The following ZFR2 variants were observed in gnomAD, a reference collection of about 807,000 sequenced individuals.
The protein encoded by ZFR2 is zinc finger RNA binding protein 2.
In ZFR2, 104 loss-of-function variants were observed where a neutral mutation model predicts 105.7. That is an observed-to-expected ratio of 0.98 (90% CI 0.84 to 1.16). The LOEUF (loss-of-function observed/expected upper bound fraction) is 1.16, where lower values mean the gene tolerates loss of function less well. Ranked by LOEUF, ZFR2 falls within the 50% of genes most tolerant of loss-of-function variation. The pLI is 0.00. For synonymous variants in ZFR2, 634 were observed against 597.7 expected (o/e 1.06, Z -0.89); for missense variants, 1,425 against 1,355.5 (o/e 1.05, Z -0.80).
At chr19:3,825,471 A>G in intron 6 of ZFR2, 64 bp from the exon 7 acceptor site, 1 of 1,510,888 alleles carries the variant, frequency 6.6e-7, no homozygotes, top group Non-Finnish European at 8.8e-7. Flanking sequence ...CTTTTTCAAG[A>G]GGCAGGAAGG....
chr19:3,810,896 G>T, intron 15 of ZFR2, 51 bp from the exon 16 acceptor site: 1 of 1,536,060 alleles, frequency 6.5e-7, no homozygotes, highest in Non-Finnish European at 8.8e-7. Context: ...GTGGCCACAC[G>T]GCATGGCGCC....
At chr19:3,810,971 C>A in intron 15 of ZFR2, 126 bp from the exon 16 acceptor site, 1 of 1,082,070 alleles carries the variant, frequency 9.2e-7, no homozygotes, top group Non-Finnish European at 1.3e-6. Flanking sequence ...TCGAAGGTGG[C>A]GGGTGGAAAC....
chr19:3,808,391 T>C lies in ZFR2; in HGVS notation c.2545+481A>G, dbSNP rs548931783. ...ACTCGAAAACACCCTTTTCCGTATC[T>C]GGCCGCCACCCTCTCACATGTGTGT... On this transcript the variant is annotated intron_variant, in intron 17 of 18. Coordinates refer to ENST00000262961, the MANE Select transcript of ZFR2 (RefSeq NM_015174.2). Among the ~76,000 whole-genome samples the C allele has an allele frequency of 6.6e-5, 10 of 152,390 alleles. No individual in the cohort carries two copies. In the East Asian group the frequency reaches 1.9e-3, roughly 29 times the overall value.
intron 12 of ZFR2, 56 bp from the exon 13 acceptor site, chr19:3,816,901 A>G: frequency 6.8e-7 from 1 of 1,478,890 alleles, no homozygotes; most frequent in South Asian, 1.3e-5. Flanking sequence ...GGGGTACCCC[A>G]GCTGCCTCCC....
intron 1 of ZFR2, among the ~76,000 whole-genome samples, chr19:3,848,619 A>C (rs2038205863): frequency 6.6e-6 from 1 of 151,804 alleles, no homozygotes; most frequent in Non-Finnish European, 1.5e-5. Flanking sequence ...AGGCAGGAGG[A>C]TTTCTTGAAC....
intron 12 of ZFR2, among the ~76,000 whole-genome samples, chr19:3,817,291 G>A (rs1175093578): frequency 2.0e-5 from 3 of 152,030 alleles, no homozygotes; most frequent in African/African-American, 7.3e-5. Flanking sequence ...GGGCGCAGTG[G>A]CTCACGCCTG....
Position 3,810,530 on chromosome 19 carries a change from G to A in ZFR2, c.2433+220C>T, listed in dbSNP as rs145826348. 1.1e-3 allele frequency among the ~76,000 whole-genome samples: 167 copies of A among 152,382 alleles called. 1 individual carries two copies. The East Asian group carries it at 0.029, about 27-fold the overall frequency. ...TCCCTGGCCAGTCCCACATTTGCAT[G>A]TGAGGTTCTGGGTTTTGAATAGTGG... On this transcript the variant is annotated intron_variant, in intron 16 of 18. Transcript: ENST00000262961.
rs750619324 is a variant in ZFR2, at chr19:3,819,173, G to A, written c.1803C>T (p.Tyr601=). The change falls in exon 12 of 19, where the codon TAC becomes TAT. Residue 601 remains tyrosine, a synonymous_variant. Transcript: ENST00000262961. Reference sequence around the variant, plus strand: ...CGGCCAGGAGCTCCTGCTCCGTGGGGTAGATGGTGGCGTGCTTGCACATGA... The same window carrying A: ...CGGCCAGGAGCTCCTGCTCCGTGGGATAGATGGTGGCGTGCTTGCACATGA... The part of the protein sequence containing the change: ...RHVMCKHATI[Y]PTEQELLAVQ... 2 of 1,597,650 alleles carry A rather than the reference G, an allele frequency of 1.3e-6. No individual in the cohort carries two copies. The highest frequency in any genetic ancestry group is 1.3e-5 in the African/African-American group (1 of 74,350).
In ZFR2 at chr19:3,807,595, G is replaced by A. The variant is rs992989529; in HGVS notation, c.2546-326C>T. On this transcript the variant is annotated intron_variant, in intron 17 of 18. Transcript: ENST00000262961. ...CGTGCCCATGTGCACGTGTGTGTCCGTGTGTGCACGTGTGTGCTCATTGGC... is the reference window on the plus strand; with the variant it reads ...CGTGCCCATGTGCACGTGTGTGTCCATGTGTGCACGTGTGTGCTCATTGGC... 1.3e-4 allele frequency among the ~76,000 whole-genome samples: 15 copies of A among 115,502 alleles called. No homozygotes were observed. In the East Asian group the frequency reaches 2.5e-3, roughly 19 times the overall value. The allele number at this position is 115,502 out of a possible 152,430, so 75.8% of individuals were successfully genotyped here.
intron 18 of ZFR2, among the ~76,000 whole-genome samples, chr19:3,806,825 C>G (rs1290643317): frequency 6.6e-6 from 1 of 152,230 alleles, no homozygotes; most frequent in African/African-American, 2.4e-5. Flanking sequence ...AATTTGCAAA[C>G]AAGGTAACCA....
At chr19:3,852,320 G>A in intron 1 of ZFR2, 1 of 619,848 alleles carries the variant, frequency 1.6e-6, no homozygotes, top group Non-Finnish European at 2.9e-6. Context: ...AATCCTGGTG[G>A]AGGTGGGCCT....
intron 1 of ZFR2, among the ~76,000 whole-genome samples, chr19:3,847,010 G>T (rs2038191209): frequency 6.6e-6 from 1 of 152,222 alleles, no homozygotes; most frequent in Non-Finnish European, 1.5e-5. Context: ...AGCAGGATCT[G>T]CTTCCAAGAT....
intron 5 of ZFR2, among the ~76,000 whole-genome samples, chr19:3,831,035 G>A (rs924367906): frequency 4.6e-5 from 7 of 151,480 alleles, no homozygotes; most frequent in East Asian, 1.9e-4. Context: ...GCACACATAC[G>A]TGCAAGCACA....
chr19:3,866,642 T>C (rs547153688), intron 1 of ZFR2, among the ~76,000 whole-genome samples: 3 of 152,242 alleles, frequency 2.0e-5, no homozygotes, highest in African/African-American at 7.2e-5. Context: ...ATTCAAGTGA[T>C]TTTCCACGTC....
chr19:3,827,009 A>C (rs1270822027), intron 6 of ZFR2, among the ~76,000 whole-genome samples: 1 of 152,106 alleles, frequency 6.6e-6, no homozygotes, highest in Non-Finnish European at 1.5e-5. Context: ...TGGGAGGCTG[A>C]GGCGGGCAGA....
chr19:3,837,586 C>T (rs142881646), intron 1 of ZFR2, among the ~76,000 whole-genome samples: 1 of 150,280 alleles, frequency 6.7e-6, no homozygotes, highest in African/African-American at 2.4e-5. Context: ...AACACCGTGA[C>T]CATGACACTT....
intron 12 of ZFR2, among the ~76,000 whole-genome samples, chr19:3,817,900 G>A (rs893462286): frequency 6.6e-6 from 1 of 152,242 alleles, no homozygotes; most frequent in African/African-American, 2.4e-5. Context: ...CAGGCCAAGT[G>A]GATCAGCCAG....
chr19:3,831,454 G>A lies in ZFR2; in HGVS notation c.701C>T (p.Pro234Leu). The A allele has an allele frequency of 1.3e-6, 2 of 1,549,808 alleles. No homozygotes were observed. Among genetic ancestry groups the A allele is most frequent in the Non-Finnish European group, 1.7e-6 (2 of 1,147,624 alleles). Residue 234 changes from proline (P) to leucine (L), a missense_variant, in exon 5 of 19, where the codon CCC (proline) becomes CTC (leucine). By Grantham distance (98) the Pro-to-Leu change is moderately conservative (BLOSUM62 -3). Transcript: ENST00000262961. The stretch of plus-strand genomic sequence containing the variant: ...TGAGCCTGCAGGCGCGGGCGGCGGG[G>A]GCAGCTGCTGCGGGGGTCCCGGGGG... ...PPPPGPPQQL[P>L]PPPAPAGSGS...
At chr19:3,859,187 C>A (rs765682997) in intron 1 of ZFR2, among the ~76,000 whole-genome samples, 12 of 152,138 alleles carry the variant, frequency 7.9e-5, no homozygotes, top group Non-Finnish European at 7.4e-5. Context: ...AGTCTACAGG[C>A]CTTCATCTTT....
Sources: allele counts gnomAD v4.1 joint callset (sites outside exome capture counted in the v4.1 genomes callset), GRCh38; gene constraint gnomAD v4.1.1; transcripts MANE v1.5; gene names NCBI Gene and HGNC (gene_info 2026-07-23, HGNC 2026-07-21).